GABRG3: variants seen among roughly 807,000 people sequenced by gnomAD.
The protein encoded by GABRG3 is gamma-aminobutyric acid receptor subunit gamma-3.
In GABRG3, 25 loss-of-function variants were observed where a neutral mutation model predicts 48.8. The observed-to-expected ratio is 0.51, with a 90% confidence interval of 0.37 to 0.72. The LOEUF (loss-of-function observed/expected upper bound fraction) is 0.72, where lower values mean the gene tolerates loss of function less well. Ranked by LOEUF, GABRG3 falls within the 30% of genes least tolerant of loss-of-function variation. The pLI is 0.00. For synonymous variants in GABRG3, 227 were observed against 217.6 expected (o/e 1.04, Z -0.38); for missense variants, 394 against 577.9 (o/e 0.68, Z 3.26).
At chr15:27,127,238 TGATA>T (rs1296901250) in intron 3 of GABRG3, among the ~76,000 whole-genome samples, 1 of 151,936 alleles carries the variant, frequency 6.6e-6, no homozygotes, top group Non-Finnish European at 1.5e-5. Context: ...AGATAAAATA[TGATA>T]GATATATAGA....
chr15:27,458,684 C>G (rs896110845), intron 5 of GABRG3, among the ~76,000 whole-genome samples: 1 of 147,366 alleles, frequency 6.8e-6, no homozygotes, highest in Non-Finnish European at 1.5e-5. Context: ...CTCCATATGC[C>G]TCTGACAAAA....
chr15:27,526,038 C>T (rs562739820), intron 7 of GABRG3, among the ~76,000 whole-genome samples: 2 of 152,126 alleles, frequency 1.3e-5, no homozygotes, highest in African/African-American at 2.4e-5. Flanking sequence ...GTTTACATAG[C>T]GTTTTTACAT....
At chr15:27,126,540 G>T (rs1284287219) in intron 3 of GABRG3, among the ~76,000 whole-genome samples, 3 of 152,180 alleles carry the variant, frequency 2.0e-5, no homozygotes, top group Non-Finnish European at 2.9e-5. Flanking sequence ...AACTGGCTGG[G>T]GGAGGCCATG....
intron 6 of GABRG3, among the ~76,000 whole-genome samples, chr15:27,518,195 C>CAAAAAAAAAAAAAAAA (rs58222645): frequency 5.1e-4 from 45 of 88,024 alleles, no homozygotes; most frequent in African/African-American, 1.9e-3. Context: ...ACTAAAAATA[C>CAAAAAAAAAAAAAAAA]AAAAAAAAAA....
chr15:27,288,979 C>T (rs1276770229), intron 3 of GABRG3, among the ~76,000 whole-genome samples: 3 of 152,158 alleles, frequency 2.0e-5, no homozygotes, highest in Admixed American at 6.5e-5. Flanking sequence ...TTTCTTTCTG[C>T]ACTTGAAAAA....
chr15:27,223,844 C>A, intron 3 of GABRG3, among the ~76,000 whole-genome samples: 1 of 152,202 alleles, frequency 6.6e-6, no homozygotes, highest in East Asian at 1.9e-4. Context: ...GATTGCCCCC[C>A]TTTTTGTGTT....
chr15:27,472,263 A>T (rs1566856671), intron 5 of GABRG3, among the ~76,000 whole-genome samples: 1 of 151,826 alleles, frequency 6.6e-6, no homozygotes, highest in Non-Finnish European at 1.5e-5. Flanking sequence ...ATATGTAAAC[A>T]TTTCTTTTCT....
At chr15:27,028,947 A>T (rs1034581772) in intron 3 of GABRG3, among the ~76,000 whole-genome samples, 18 of 152,134 alleles carry the variant, frequency 1.2e-4, no homozygotes, top group African/African-American at 2.4e-5. Context: ...GTGGGGTGAG[A>T]AACGACCTTA....
intron 3 of GABRG3, among the ~76,000 whole-genome samples, chr15:27,308,318 A>G (rs1008961815): frequency 4.9e-5 from 7 of 143,568 alleles, no homozygotes; most frequent in African/African-American, 1.5e-4. Context: ...ACATATATAA[A>G]CATACGTTTA....
chr15:27,533,292 CAGGA>C lies in GABRG3; in HGVS notation c.*412_*415del. The C allele has an allele frequency of 5.3e-6, 1 of 189,696 alleles. No individual in the cohort carries two copies. Among genetic ancestry groups the C allele is most frequent in the Non-Finnish European group, 1.1e-5 (1 of 92,018 alleles). The allele number at this position is 189,696 out of a possible 1,614,324, so 11.8% of individuals were successfully genotyped here. On this transcript the variant is annotated 3_prime_UTR_variant, in exon 10 of 10. Transcript: ENST00000615808. Reference sequence around the variant, plus strand: ...TTGCAGCCCTGGGTGTAGTAGCACTCAGGAGTGTTGAATCACCCCTGGCCGAGAC... The same window carrying C: ...TTGCAGCCCTGGGTGTAGTAGCACTCGTGTTGAATCACCCCTGGCCGAGAC...
chr15:27,203,228 A>G (rs778222930), intron 3 of GABRG3, among the ~76,000 whole-genome samples: 2 of 152,082 alleles, frequency 1.3e-5, no homozygotes, highest in Non-Finnish European at 2.9e-5. Flanking sequence ...CCCAGTGTAT[A>G]TTGTACCCTT....
intron 3 of GABRG3, among the ~76,000 whole-genome samples, chr15:27,298,195 C>T (rs1892068328): frequency 6.6e-6 from 1 of 152,024 alleles, no homozygotes; most frequent in South Asian, 2.1e-4. Flanking sequence ...ATAAAAAGAC[C>T]CTCTAAGATG....
At chr15:27,271,764 G>A (rs568954873) in intron 3 of GABRG3, 16 of 378,840 alleles carry the variant, frequency 4.2e-5, no homozygotes, top group Non-Finnish European at 7.4e-5. Context: ...AGAGGAGAGC[G>A]GTCAGGGACG....
intron 5 of GABRG3, among the ~76,000 whole-genome samples, chr15:27,421,151 T>C (rs1318982219): frequency 6.6e-6 from 1 of 152,210 alleles, no homozygotes; most frequent in Non-Finnish European, 1.5e-5. Flanking sequence ...TGCTCACCAC[T>C]GCTGAGCTGA....
rs868160289 is a variant in GABRG3, at chr15:27,539,075, A to G, written c.*6194A>G. On this transcript the variant is annotated 3_prime_UTR_variant, in exon 10 of 10. Transcript: ENST00000615808. Reference sequence around the variant, plus strand: ...TAGCAATGTGTAAAATAGACTCCCAAATCTCCTTTGGGAAAGGAACCTGTG... The same window carrying G: ...TAGCAATGTGTAAAATAGACTCCCAGATCTCCTTTGGGAAAGGAACCTGTG... The G allele has an allele frequency of 1.3e-5, 2 of 152,110 alleles. No homozygotes were observed. Among genetic ancestry groups the G allele is most frequent in the African/African-American group, 4.8e-5 (2 of 41,430 alleles). 9.4% of individuals were successfully genotyped at this position (152,110 alleles called of 1,614,324 possible). A position where few individuals can be genotyped will look rare whatever the true frequency, so the allele number is the denominator to read the frequency against.
intron 3 of GABRG3, among the ~76,000 whole-genome samples, chr15:27,225,142 T>C (rs17648585): frequency 0.047 from 7,187 of 152,298 alleles, 243 homozygotes; most frequent in Non-Finnish European, 0.073. Context: ...AACTGAAGTA[T>C]CTTAATTCTG....
At chr15:27,256,211 G>A (rs1045951433) in intron 3 of GABRG3, among the ~76,000 whole-genome samples, 1 of 152,056 alleles carries the variant, frequency 6.6e-6, no homozygotes, top group African/African-American at 2.4e-5. Flanking sequence ...GGGAGGCCGA[G>A]GCGGGCGGAT....
intron 5 of GABRG3, among the ~76,000 whole-genome samples, chr15:27,442,084 G>A (rs1888804500): frequency 6.6e-6 from 1 of 152,128 alleles, no homozygotes. Context: ...GTTCCTCCCT[G>A]CCATGGACCT....
chr15:27,327,293 C>T lies in GABRG3; in HGVS notation c.491+264C>T, dbSNP rs139789370. On this transcript the variant is annotated intron_variant, in intron 4 of 9. Coordinates refer to ENST00000615808, the MANE Select transcript of GABRG3 (RefSeq NM_033223.5). ...GTGAAAGTTATTCTTAATAGATTTA[C>T]ACCATAGGTCCTCTCCCCTAGGAAA... Among the ~76,000 whole-genome samples, 50 of 152,310 alleles carry T rather than the reference C, an allele frequency of 3.3e-4. No homozygotes were observed. In the East Asian group the frequency reaches 9.1e-3, roughly 28 times the overall value.
Sources: gnomAD v4.1 joint callset for allele counts (sites outside exome capture counted in the v4.1 genomes callset) on GRCh38, gnomAD v4.1.1 for gene constraint, MANE v1.5 for transcripts, NCBI Gene and HGNC (gene_info 2026-07-23, HGNC 2026-07-21) for gene names.